The following KIAA2012 variants were observed in gnomAD, a reference collection of about 807,000 sequenced individuals.
The protein encoded by KIAA2012 is KIAA2012.
Under a neutral mutation model 150.6 loss-of-function variants are expected in KIAA2012, and 125 were observed. The ratio of observed to expected loss-of-function variants is 0.83; its 90% CI spans 0.72 to 0.96. The LOEUF (loss-of-function observed/expected upper bound fraction) is 0.96, where lower values mean the gene tolerates loss of function less well. KIAA2012 is among the 40% of genes least tolerant of loss of function. The pLI is 0.00. For missense variants in KIAA2012, 1,219 were observed against 1,354.9 expected (o/e 0.90, Z 1.57); for synonymous variants, 462 against 504.7 (o/e 0.92, Z 1.13).
At position 202,103,099 on chromosome 2, in the gene KIAA2012, A is replaced by C. The variant is rs1690091743; in HGVS notation, c.1309A>C (p.Lys437Gln). The C allele has an allele frequency of 6.4e-7, 1 of 1,550,420 alleles. No individual in the cohort carries two copies. The highest frequency in any genetic ancestry group is 1.4e-5 in the African/African-American group (1 of 73,002). Residue 437 changes from lysine (K) to glutamine (Q), a missense_variant, in exon 8 of 24, where the codon AAA becomes CAA. Physicochemically the swap from Lys to Gln is moderately conservative, Grantham distance 53. Transcript: ENST00000498697. ...HYHTKQPPKEKAHRRGAPHPE... is the reference protein window; with the variant it reads ...HYHTKQPPKEQAHRRGAPHPE... ...CCACACCAAACAACCCCCAAAAGAG[A>C]AAGCCCACAGAAGAGGTAGGTCCCG...
intron 20 of KIAA2012, 128 bp from the exon 21 acceptor site, chr2:202,194,062 T>TG (rs1326874550): frequency 2.0e-6 from 2 of 987,560 alleles, no homozygotes; most frequent in Admixed American, 2.9e-5. Context: ...CTGAGTCTCC[T>TG]GGGAATAGGT....
intron 5 of KIAA2012, among the ~76,000 whole-genome samples, chr2:202,097,874 G>T (rs13413158): frequency 0.13 from 20,423 of 152,098 alleles, 1,487 homozygotes; most frequent in East Asian, 0.19. Context: ...ACAGGCATGA[G>T]CCACCGAGCC....
At chr2:202,197,862 TAAA>T (rs71025286) in intron 22 of KIAA2012, 12 of 114,128 alleles carry the variant, frequency 1.1e-4, no homozygotes, top group Non-Finnish European at 1.0e-4. Context: ...AGACTCTCTT[TAAA>T]AAAAAAAAAA....
At chr2:202,142,499 T>C (rs1691214170) in intron 13 of KIAA2012, among the ~76,000 whole-genome samples, 1 of 151,350 alleles carries the variant, frequency 6.6e-6, no homozygotes, top group East Asian at 1.9e-4. Context: ...TTTGGGGAGG[T>C]TTAGAATCTT....
At chr2:202,124,177 G>A (rs1261819060) in intron 11 of KIAA2012, among the ~76,000 whole-genome samples, 3 of 152,112 alleles carry the variant, frequency 2.0e-5, no homozygotes, top group African/African-American at 7.2e-5. Flanking sequence ...TGGTGACAGA[G>A]CGAAACTCTA....
intron 5 of KIAA2012, among the ~76,000 whole-genome samples, chr2:202,098,510 G>A (rs1277715833): frequency 6.6e-6 from 1 of 152,126 alleles, no homozygotes; most frequent in African/African-American, 2.4e-5. Context: ...TTAAACTCTG[G>A]GTTTTCCAAA....
intron 19 of KIAA2012, among the ~76,000 whole-genome samples, chr2:202,192,643 G>A (rs936257550): frequency 3.3e-5 from 5 of 152,040 alleles, no homozygotes; most frequent in African/African-American, 1.2e-4. Flanking sequence ...TTTTAGTAGA[G>A]ATAGGGTGTC....
At position 202,099,594 on chromosome 2, in the gene KIAA2012, T is replaced by G; in HGVS notation, c.829-19T>G. On this transcript the variant is annotated intron_variant, in intron 5 of 23. Transcript: ENST00000498697. ...TTATGACAGCCTGTTTACAGGAATG[T>G]GTATCTGTCGTTCCCTAGGACACGT... The G allele has an allele frequency of 1.3e-6, 2 of 1,538,680 alleles. No individual in the cohort carries two copies. The highest frequency in any genetic ancestry group is 8.8e-7 in the Non-Finnish European group (1 of 1,139,920).
chr2:202,160,292 CT>C (rs1299250685), intron 14 of KIAA2012, among the ~76,000 whole-genome samples: 22 of 146,262 alleles, frequency 1.5e-4, no homozygotes, highest in African/African-American at 5.2e-4. Flanking sequence ...ACACAAGATA[CT>C]TTATGATTTT....
chr2:202,119,886 G>A (rs755946488), intron 11 of KIAA2012, among the ~76,000 whole-genome samples: 54 of 152,310 alleles, frequency 3.5e-4, no homozygotes, highest in Non-Finnish European at 6.8e-4. Flanking sequence ...CACATGTCAT[G>A]GGAGGAACCC....
intron 11 of KIAA2012, chr2:202,116,508 G>A (rs369455640): frequency 1.2e-3 from 134 of 115,034 alleles, no homozygotes; most frequent in African/African-American, 4.4e-3. Context: ...GTCTCCCTGT[G>A]TTGCCCAGGC....
intron 15 of KIAA2012, among the ~76,000 whole-genome samples, chr2:202,183,398 C>T (rs13396443): frequency 2.2e-5 from 3 of 136,318 alleles, no homozygotes; most frequent in Non-Finnish European, 4.6e-5. Flanking sequence ...CCAGCCGGGG[C>T]GACAGAGCAA....
intron 7 of KIAA2012, 51 bp from the exon 8 acceptor site, chr2:202,102,895 A>G: frequency 6.7e-7 from 1 of 1,484,974 alleles, no homozygotes; most frequent in Non-Finnish European, 9.1e-7. Flanking sequence ...CCCTGCAGGC[A>G]GCAGGGTTTG....
At position 202,125,919 on chromosome 2, in the gene KIAA2012, G is replaced by A. The variant is rs1387241043; in HGVS notation, c.1831+637G>A. The A allele has an allele frequency of 1.1e-5, 4 of 375,156 alleles. No homozygotes were observed. The East Asian group carries it at 4.0e-4, about 37-fold the overall frequency. The allele number at this position is 375,156 out of a possible 1,614,324, so 23.2% of individuals were successfully genotyped here. On this transcript the variant is annotated intron_variant, in intron 12 of 23. Transcript: ENST00000498697. Reference sequence around the variant, plus strand: ...GTCTTTGATTAACAGAGAAATGTGAGTGGTGTTCCTGGCTGCTTTTTTTTT... The same window carrying A: ...GTCTTTGATTAACAGAGAAATGTGAATGGTGTTCCTGGCTGCTTTTTTTTT...
rs555434700 is a variant in KIAA2012, at chr2:202,143,107, T to G, written c.1908+4599T>G. On this transcript the variant is annotated intron_variant, in intron 13 of 23. Coordinates refer to ENST00000498697, the MANE Select transcript of KIAA2012 (RefSeq NM_001277372.4). Reference sequence around the variant, plus strand: ...TTTTTTTTTTTTTTTCTTTTTGAGATAGAGTCTTGCTCTGTCACCCAGGCT... The same window carrying G: ...TTTTTTTTTTTTTTTCTTTTTGAGAGAGAGTCTTGCTCTGTCACCCAGGCT... Among the ~76,000 whole-genome samples, 4 of 143,080 alleles carry G rather than the reference T, an allele frequency of 2.8e-5. No homozygotes were observed. In the South Asian group the frequency reaches 6.7e-4, roughly 24 times the overall value. 93.9% of individuals were successfully genotyped at this position (143,080 alleles called of 152,430 possible).
At chr2:202,125,178 TC>T (rs1403207983) in intron 11 of KIAA2012, 35 bp from the exon 12 acceptor site, 11 of 1,508,794 alleles carry the variant, frequency 7.3e-6, no homozygotes, top group African/African-American at 1.4e-5. Flanking sequence ...CAAGACTTTT[TC>T]CCGCTCTCAG....
At chr2:202,095,602 CA>C (rs1179847754) in intron 4 of KIAA2012, among the ~76,000 whole-genome samples, 1 of 152,166 alleles carries the variant, frequency 6.6e-6, no homozygotes, top group African/African-American at 2.4e-5. Flanking sequence ...ACTTTGCTTG[CA>C]AACCTGTTTC....
rs1181583589 is a variant in KIAA2012 at position 202,193,444 on chromosome 2, A to T, written c.2955A>T (p.Arg985Ser). The T allele has an allele frequency of 1.3e-6, 2 of 1,550,294 alleles. No homozygotes were observed. The highest frequency in any genetic ancestry group is 2.7e-5 in the African/African-American group (2 of 73,144). Residue 985 changes from arginine to serine, a missense_variant, in exon 20 of 24, where the codon AGA becomes AGT. Arg to Ser is a moderately radical substitution (Grantham distance 110). Coordinates refer to ENST00000498697, the MANE Select transcript of KIAA2012 (RefSeq NM_001277372.4). ...AGCTCCAGCAGGAGCAGCTGGAGAGAGCAAAAAAGATGGAGGAGGAGCTGG... is the reference window on the plus strand; with the variant it reads ...AGCTCCAGCAGGAGCAGCTGGAGAGTGCAAAAAAGATGGAGGAGGAGCTGG... The part of the protein sequence containing the change: ...QRQLQQEQLE[R>S]AKKMEEELEL...
chr2:202,132,677 T>C (rs1000197207), intron 12 of KIAA2012, among the ~76,000 whole-genome samples: 1 of 90,146 alleles, frequency 1.1e-5, no homozygotes, highest in African/African-American at 4.4e-5. Flanking sequence ...CCTCACAAAA[T>C]ACATATATAT....
Sources: gnomAD v4.1 joint callset for allele counts (sites outside exome capture counted in the v4.1 genomes callset) on GRCh38, gnomAD v4.1.1 for gene constraint, MANE v1.5 for transcripts, NCBI Gene and HGNC (gene_info 2026-07-23, HGNC 2026-07-21) for gene names.